MAGI1: variants seen among roughly 807,000 people sequenced by gnomAD.
MAGI1 encodes membrane associated guanylate kinase, WW and PDZ domain containing 1, also known as membrane-associated guanylate kinase, WW and PDZ domain-containing protein 1.
A neutral mutation model predicts 139.9 loss-of-function variants in MAGI1; 58 were observed. The ratio of observed to expected loss-of-function variants is 0.41; its 90% CI spans 0.34 to 0.52. The LOEUF is 0.52. MAGI1 is among the 20% of genes least tolerant of loss of function. The probability of loss-of-function intolerance (pLI) is 0.12; values close to 1 mark genes in which losing one functional copy is unlikely to be tolerated. For missense variants in MAGI1, 1,874 were observed against 1,901.6 expected, an observed-to-expected ratio of 0.99 and a Z score of 0.27; for synonymous variants, 812 against 737.9, an observed-to-expected ratio of 1.10 and a Z score of -1.63.
intron 1 of MAGI1, among the ~76,000 whole-genome samples, chr3:65,860,496 G>A (rs942473579): frequency 2.6e-5 from 4 of 152,196 alleles, no homozygotes; most frequent in Admixed American, 6.5e-5. Context: ...CCACCGATCC[G>A]GGCAGCCCGC....
intron 1 of MAGI1, among the ~76,000 whole-genome samples, chr3:65,689,408 C>G (rs60815386): frequency 0.13 from 19,908 of 151,888 alleles, 2,031 homozygotes; most frequent in East Asian, 0.43. Context: ...AATTTGCACT[C>G]AGTATCTTCT....
intron 2 of MAGI1, among the ~76,000 whole-genome samples, chr3:65,614,037 GGAAACT>G (rs2083250723): frequency 6.6e-6 from 1 of 152,112 alleles, no homozygotes; most frequent in Non-Finnish European, 1.5e-5. Flanking sequence ...AAGATAATGA[GGAAACT>G]GAGTCACAGG....
intron 1 of MAGI1, among the ~76,000 whole-genome samples, chr3:65,862,680 C>G (rs904818108): frequency 1.3e-5 from 2 of 152,208 alleles, no homozygotes; most frequent in Admixed American, 1.3e-4. Context: ...ATGTTCTCTC[C>G]TCTTCCACCA....
intron 1 of MAGI1, among the ~76,000 whole-genome samples, chr3:65,910,259 A>G (rs2061602248): frequency 6.6e-6 from 1 of 152,238 alleles, no homozygotes; most frequent in South Asian, 2.1e-4. Context: ...AGAGTTACAG[A>G]GTACTTTTGT....
chr3:65,411,017 T>G (rs1945753751), intron 12 of MAGI1, among the ~76,000 whole-genome samples: 2 of 152,248 alleles, frequency 1.3e-5, no homozygotes, highest in African/African-American at 4.8e-5. Flanking sequence ...GCATCTTCTC[T>G]CCAGAAAGGA....
chr3:66,030,204 G>A (rs1481579550), intron 1 of MAGI1, among the ~76,000 whole-genome samples: 1 of 152,178 alleles, frequency 6.6e-6, no homozygotes, highest in Non-Finnish European at 1.5e-5. Flanking sequence ...AATCGGCTAA[G>A]CTCTATTTTA....
At chr3:65,661,745 G>GTTTTTTTT (rs11369893) in intron 1 of MAGI1, among the ~76,000 whole-genome samples, 19 of 93,912 alleles carry the variant, frequency 2.0e-4, no homozygotes, top group African/African-American at 3.8e-4. Context: ...GTTTTTTTCT[G>GTTTTTTTT]TTTTTTTTTT....
At chr3:65,446,293 T>C (rs1676949428) in intron 7 of MAGI1, among the ~76,000 whole-genome samples, 1 of 152,184 alleles carries the variant, frequency 6.6e-6, no homozygotes, top group Admixed American at 6.5e-5. Context: ...AGCTACTCTT[T>C]TGGCCCCTCT....
At chr3:65,621,432 T>G (rs1231276475) in intron 2 of MAGI1, among the ~76,000 whole-genome samples, 1 of 152,214 alleles carries the variant, frequency 6.6e-6, no homozygotes, top group Non-Finnish European at 1.5e-5. Flanking sequence ...TCTGTGGAAA[T>G]CATTTCTTTG....
At chr3:65,834,609 TG>T (rs2042708308) in intron 1 of MAGI1, among the ~76,000 whole-genome samples, 1 of 152,258 alleles carries the variant, frequency 6.6e-6, no homozygotes, top group Non-Finnish European at 1.5e-5. Context: ...CTGATGGTGT[TG>T]AGTTCTTCCA....
intron 1 of MAGI1, among the ~76,000 whole-genome samples, chr3:65,958,177 A>C (rs1242756050): frequency 3.3e-5 from 5 of 152,140 alleles, no homozygotes; most frequent in Admixed American, 6.5e-5. Context: ...CTCCCTCTTA[A>C]AACAAAAAAG....
intron 1 of MAGI1, among the ~76,000 whole-genome samples, chr3:65,763,716 G>C (rs549423360): frequency 1.7e-4 from 26 of 151,706 alleles, no homozygotes; most frequent in African/African-American, 6.0e-4. Flanking sequence ...CTTCTAGGTG[G>C]AAGCATAGGC....
At chr3:65,880,933 G>T (rs886210050) in intron 1 of MAGI1, among the ~76,000 whole-genome samples, 1 of 151,988 alleles carries the variant, frequency 6.6e-6, no homozygotes, top group Non-Finnish European at 1.5e-5. Context: ...GTGTGTGTGT[G>T]TATGTAACAG....
chr3:65,629,944 A>G (rs1328934860), intron 1 of MAGI1, among the ~76,000 whole-genome samples: 3 of 152,162 alleles, frequency 2.0e-5, no homozygotes, highest in African/African-American at 7.2e-5. Context: ...TTTATGTTAT[A>G]TATATTTAAC....
intron 1 of MAGI1, among the ~76,000 whole-genome samples, chr3:66,031,518 G>A (rs2068590033): frequency 6.6e-6 from 1 of 152,054 alleles, no homozygotes; most frequent in African/African-American, 2.4e-5. Flanking sequence ...AAATAACACA[G>A]CCAATGACAA....
chr3:65,533,918 G>A (rs1391245724), intron 2 of MAGI1, among the ~76,000 whole-genome samples: 1 of 152,232 alleles, frequency 6.6e-6, no homozygotes, highest in Middle Eastern at 3.4e-3. Flanking sequence ...TATGGCTTAT[G>A]TAAATTCTAG....
At chr3:65,968,606 T>C (rs1430521298) in intron 1 of MAGI1, among the ~76,000 whole-genome samples, 1 of 151,018 alleles carries the variant, frequency 6.6e-6, no homozygotes, top group East Asian at 1.9e-4. Flanking sequence ...AATATATATA[T>C]ATTATATTTT....
chr3:65,830,227 C>A (rs992393151), intron 1 of MAGI1, among the ~76,000 whole-genome samples: 1 of 151,998 alleles, frequency 6.6e-6, no homozygotes, highest in African/African-American at 2.4e-5. Flanking sequence ...GTTCTAATTT[C>A]CACCTTAAGG....
intron 1 of MAGI1, among the ~76,000 whole-genome samples, chr3:65,963,673 C>T (rs2064585245): frequency 6.6e-6 from 1 of 152,030 alleles, no homozygotes; most frequent in Non-Finnish European, 1.5e-5. Flanking sequence ...CAGTTTGTAA[C>T]TTTTCTATAA....
Sources: allele counts gnomAD v4.1 joint callset (sites outside exome capture counted in the v4.1 genomes callset), GRCh38; gene constraint gnomAD v4.1.1; transcripts MANE v1.5; gene names NCBI Gene and HGNC (gene_info 2026-07-23, HGNC 2026-07-21).